Variants in PLCB1 observed in about 807,000 individuals in gnomAD.
The protein encoded by PLCB1 is phospholipase C beta 1, also known as 1-phosphatidylinositol 4,5-bisphosphate phosphodiesterase beta-1.
Under a neutral mutation model 161.8 loss-of-function variants are expected in PLCB1, and 46 were observed. The ratio of observed to expected loss-of-function variants is 0.28; its 90% CI spans 0.22 to 0.36. The LOEUF (loss-of-function observed/expected upper bound fraction) is 0.36, where lower values mean the gene tolerates loss of function less well. PLCB1 is among the 10% of genes least tolerant of loss of function. The pLI is 1.00. For synonymous variants in PLCB1, 517 were observed against 503.7 expected, an observed-to-expected ratio of 1.03 and a Z score of -0.35; for missense variants, 1,016 against 1,472.5, an observed-to-expected ratio of 0.69 and a Z score of 5.07.
At position 8,884,784 on chromosome 20, in the gene PLCB1, T is replaced by A. The variant is rs186428545; in HGVS notation, c.*2935T>A. 4 of 152,816 alleles carry A rather than the reference T, an allele frequency of 2.6e-5. No individual in the cohort carries two copies. The East Asian group carries it at 5.8e-4, about 22-fold the overall frequency. The allele number at this position is 152,816 out of a possible 1,614,324, so 9.5% of individuals were successfully genotyped here. A position where few individuals can be genotyped will look rare whatever the true frequency, so the allele number is the denominator to read the frequency against. On this transcript the variant is annotated 3_prime_UTR_variant, in exon 32 of 32. Transcript: ENST00000338037. ...TCTATCTCAAATTATTTAAAATGCA[T>A]AATTCACATTTTTGTAATAATTCTA...
chr20:8,428,515 C>G (rs909461830), intron 3 of PLCB1, among the ~76,000 whole-genome samples: 12 of 152,168 alleles, frequency 7.9e-5, no homozygotes, highest in Admixed American at 2.0e-4. Context: ...GCCACCATGC[C>G]CAGCCAACTG....
At chr20:8,303,058 C>A (rs867808287) in intron 2 of PLCB1, among the ~76,000 whole-genome samples, 5 of 152,178 alleles carry the variant, frequency 3.3e-5, no homozygotes, top group Non-Finnish European at 7.3e-5. Context: ...AATATCTATA[C>A]AAAGAGAGGT....
intron 3 of PLCB1, among the ~76,000 whole-genome samples, chr20:8,607,101 C>T (rs1347713315): frequency 6.6e-6 from 1 of 152,156 alleles, no homozygotes; most frequent in Non-Finnish European, 1.5e-5. Context: ...TCCTGAATTT[C>T]TTTCTTTCCC....
intron 3 of PLCB1, among the ~76,000 whole-genome samples, chr20:8,575,576 T>C (rs912311179): frequency 2.0e-5 from 3 of 152,084 alleles, no homozygotes; most frequent in African/African-American, 7.2e-5. Flanking sequence ...TAGAGATGAA[T>C]TCCCCCGCTC....
chr20:8,750,774 C>G (rs759952603), intron 23 of PLCB1: 4 of 1,172,588 alleles, frequency 3.4e-6, no homozygotes, highest in Non-Finnish European at 3.5e-6. Flanking sequence ...TCTAACAAAG[C>G]TACTTTCTGA....
chr20:8,509,448 G>T (rs1983778983), intron 3 of PLCB1, among the ~76,000 whole-genome samples: 1 of 152,174 alleles, frequency 6.6e-6, no homozygotes, highest in Admixed American at 6.5e-5. Flanking sequence ...AGCAATCAGT[G>T]CTTGCCACTT....
Position 8,820,323 on chromosome 20 carries a change from A to G in PLCB1, c.3423+30062A>G, listed in dbSNP as rs115596536. Among the ~76,000 whole-genome samples, 648 of 151,696 alleles carry G rather than the reference A, an allele frequency of 4.3e-3. 4 individuals are homozygous for G. Among genetic ancestry groups the G allele is most frequent in the African/African-American group, 0.015 (620 of 41,452 alleles). ...AGACAAACAGTAGAAAAATGTGGAA[A>G]AACTCAAACAGGTGCTTCTAATATG... On this transcript the variant is annotated intron_variant, in intron 31 of 31. Coordinates refer to ENST00000338037, the MANE Select transcript of PLCB1 (RefSeq NM_015192.4).
chr20:8,620,763 A>G (rs995062055), intron 3 of PLCB1, among the ~76,000 whole-genome samples: 10 of 151,302 alleles, frequency 6.6e-5, no homozygotes, highest in African/African-American at 1.7e-4. Context: ...AAAAAAAAAA[A>G]AAAAAAGAAA....
intron 12 of PLCB1, among the ~76,000 whole-genome samples, chr20:8,713,655 G>A (rs1292941311): frequency 6.6e-6 from 1 of 152,154 alleles, no homozygotes; most frequent in African/African-American, 2.4e-5. Flanking sequence ...CCCAGGTAAC[G>A]TGAATGAAAT....
intron 27 of PLCB1, among the ~76,000 whole-genome samples, chr20:8,787,072 C>T (rs1268160375): frequency 6.6e-6 from 1 of 152,190 alleles, no homozygotes; most frequent in African/African-American, 2.4e-5. Context: ...AGGACCCTAT[C>T]CTTAGTTCAG....
chr20:8,786,278 C>G (rs1443627806), intron 27 of PLCB1, among the ~76,000 whole-genome samples: 1 of 152,158 alleles, frequency 6.6e-6, no homozygotes, highest in East Asian at 1.9e-4. Context: ...TCTTTGCACA[C>G]TGGAATTTTA....
At chr20:8,722,112 A>G (rs6056040) in intron 14 of PLCB1, among the ~76,000 whole-genome samples, 85 of 151,850 alleles carry the variant, frequency 5.6e-4, no homozygotes, top group African/African-American at 1.9e-3. Flanking sequence ...CGCATTTTTT[A>G]ATAGAATTTT....
At chr20:8,655,921 A>C (rs1435399981) in intron 7 of PLCB1, among the ~76,000 whole-genome samples, 1 of 151,950 alleles carries the variant, frequency 6.6e-6, no homozygotes, top group East Asian at 1.9e-4. Context: ...AAAAGTGAGC[A>C]CTCTCCGGCT....
chr20:8,159,265 G>T (rs575454054), intron 2 of PLCB1, among the ~76,000 whole-genome samples: 50 of 152,270 alleles, frequency 3.3e-4, no homozygotes, highest in Non-Finnish European at 4.7e-4. Context: ...AGCTGTCAAG[G>T]CTTGGTGCTT....
At chr20:8,760,529 G>A (rs1981968201) in intron 25 of PLCB1, 69 bp downstream of exon 25, 6 of 1,077,068 alleles carry the variant, frequency 5.6e-6, no homozygotes, top group Non-Finnish European at 8.3e-6. Context: ...ATTTAGAGGA[G>A]AGGAAATTTC....
At chr20:8,712,252 G>A (rs1287205054) in intron 12 of PLCB1, among the ~76,000 whole-genome samples, 2 of 152,006 alleles carry the variant, frequency 1.3e-5, no homozygotes, top group Non-Finnish European at 2.9e-5. Context: ...CTGAGATCAC[G>A]CCACTGCACT....
At chr20:8,192,323 A>G (rs2051978473) in intron 2 of PLCB1, among the ~76,000 whole-genome samples, 1 of 151,834 alleles carries the variant, frequency 6.6e-6, no homozygotes, top group Admixed American at 6.6e-5. Flanking sequence ...TTCTTGCCCG[A>G]GAAGCTAATT....
At chr20:8,786,851 C>T (rs984295218) in intron 27 of PLCB1, among the ~76,000 whole-genome samples, 1 of 151,332 alleles carries the variant, frequency 6.6e-6, no homozygotes, top group Admixed American at 6.8e-5. Flanking sequence ...TTACAGGCAC[C>T]CACCACCAGG....
intron 31 of PLCB1, among the ~76,000 whole-genome samples, chr20:8,863,394 G>A (rs1203369770): frequency 1.3e-5 from 2 of 152,328 alleles, no homozygotes; most frequent in East Asian, 3.9e-4. Flanking sequence ...AACAATTCAT[G>A]TAAATGAGAA....
Sources: gnomAD v4.1 joint callset for allele counts (sites outside exome capture counted in the v4.1 genomes callset) on GRCh38, gnomAD v4.1.1 for gene constraint, MANE v1.5 for transcripts, NCBI Gene and HGNC (gene_info 2026-07-23, HGNC 2026-07-21) for gene names.